The following FNIP2 variants were observed in gnomAD, a reference collection of about 807,000 sequenced individuals.
The protein encoded by FNIP2 is folliculin-interacting protein 2.
FNIP2 carries 32 observed loss-of-function variants against 108.7 expected under a neutral mutation model. The ratio of observed to expected loss-of-function variants is 0.29; its 90% CI spans 0.22 to 0.40. The LOEUF is 0.40. FNIP2 is among the 10% of genes least tolerant of loss of function. The probability of loss-of-function intolerance (pLI) is 1.00; values close to 1 mark genes in which losing one functional copy is unlikely to be tolerated. For missense variants in FNIP2, 1,202 were observed against 1,381.6 expected (o/e 0.87, Z 2.06); for synonymous variants, 480 against 496.7 (o/e 0.97, Z 0.45).
At position 158,769,278 on chromosome 4, in the gene FNIP2, G is replaced by A; in HGVS notation, c.66G>A (p.Ala22=). The A allele has an allele frequency of 6.5e-7, 1 of 1,541,798 alleles. No individual in the cohort carries two copies. The highest frequency in any genetic ancestry group is 1.2e-5 in the South Asian group (1 of 83,606). ...GCAGCAGCGGCAGCTCCGCGGCGGC[G>A]TCTGCCCAGGGCAGGGCTCCTAAGG... The part of the protein sequence containing the change: ...KRGSSGSSAA[A]SAQGRAPKEG... Residue 22 remains alanine, a synonymous_variant, in exon 1 of 17, where the codon GCG becomes GCA. Transcript: ENST00000264433.
rs1406945902 is a variant in FNIP2 at position 158,799,284 on chromosome 4, C to G, written c.108-26632C>G. ...AACAGAAGATTTAATTATGTTATAG[C>G]TGTACATCCAAATGGAAGGGAGCTG... On this transcript the variant is annotated intron_variant, in intron 1 of 16. Coordinates refer to ENST00000264433, the MANE Select transcript of FNIP2 (RefSeq NM_020840.3). Among the ~76,000 whole-genome samples the G allele has an allele frequency of 2.0e-5, 3 of 152,214 alleles. No homozygotes were observed. The East Asian group carries it at 5.8e-4, about 29-fold the overall frequency.
chr4:158,832,161 C>G, intron 5 of FNIP2, 23 bp downstream of exon 5: 1 of 1,580,678 alleles, frequency 6.3e-7, no homozygotes, highest in Non-Finnish European at 8.7e-7. Context: ...TTTTGCATTC[C>G]CCACCCCCAT....
At chr4:158,833,709 G>A (rs756192933) in intron 6 of FNIP2, 81 bp downstream of exon 6, 18 of 1,463,402 alleles carry the variant, frequency 1.2e-5, no homozygotes, top group South Asian at 4.7e-5. Context: ...TGAGTTTGTC[G>A]TGGGTTTTTT....
At chr4:158,903,005 G>A (rs749344618) in intron 16 of FNIP2, among the ~76,000 whole-genome samples, 16 of 152,120 alleles carry the variant, frequency 1.1e-4, no homozygotes, top group African/African-American at 1.7e-4. Flanking sequence ...GTTCTGTCTC[G>A]CTAGCATTCC....
intron 8 of FNIP2, among the ~76,000 whole-genome samples, chr4:158,857,800 T>C (rs573523927): frequency 7.1e-6 from 1 of 140,838 alleles, no homozygotes; most frequent in South Asian, 2.3e-4. Context: ...AAAAAAAATG[T>C]ATCCGGGCAT....
intron 1 of FNIP2, among the ~76,000 whole-genome samples, chr4:158,795,218 A>G (rs1776548017): frequency 1.3e-5 from 2 of 152,332 alleles, no homozygotes; most frequent in South Asian, 4.1e-4. Flanking sequence ...GTTGTCCCTG[A>G]GAGAGTGACT....
intron 7 of FNIP2, among the ~76,000 whole-genome samples, chr4:158,848,299 G>A (rs1295462370): frequency 6.6e-6 from 1 of 152,210 alleles, no homozygotes; most frequent in Non-Finnish European, 1.5e-5. Flanking sequence ...GAGAGAAAGA[G>A]ACTCCATTTG....
chr4:158,858,689 T>A (rs965445535), intron 8 of FNIP2, among the ~76,000 whole-genome samples: 1 of 152,230 alleles, frequency 6.6e-6, no homozygotes, highest in Admixed American at 6.5e-5. Context: ...CGTAGTATCA[T>A]TCCTCTTTTG....
rs190124940 is a variant in FNIP2 at position 158,781,162 on chromosome 4, A to T, written c.107+11843A>T. ...TAATAATACAAAACAGTAGTTCAGG[A>T]CCAAGTCTCTAAAGTCCTATTAAGA... On this transcript the variant is annotated intron_variant, in intron 1 of 16. Transcript: ENST00000264433. Among the ~76,000 whole-genome samples the T allele has an allele frequency of 9.8e-5, 15 of 152,332 alleles. No homozygotes were observed. In the East Asian group the frequency reaches 1.2e-3, roughly 12 times the overall value.
chr4:158,780,515 A>G (rs1372261697), intron 1 of FNIP2, among the ~76,000 whole-genome samples: 2 of 152,206 alleles, frequency 1.3e-5, no homozygotes, highest in African/African-American at 4.8e-5. Flanking sequence ...TCCTTTGATG[A>G]TAGATATTTT....
chr4:158,778,341 G>T (rs1171895882), intron 1 of FNIP2, among the ~76,000 whole-genome samples: 1 of 152,182 alleles, frequency 6.6e-6, no homozygotes, highest in Non-Finnish European at 1.5e-5. Flanking sequence ...GCAACTCTGG[G>T]TGCACTGCCT....
chr4:158,856,366 T>C (rs1296695850), intron 8 of FNIP2, among the ~76,000 whole-genome samples: 1 of 152,228 alleles, frequency 6.6e-6, no homozygotes, highest in East Asian at 1.9e-4. Context: ...GATAGATTAT[T>C]GAGATGTACT....
intron 14 of FNIP2, among the ~76,000 whole-genome samples, chr4:158,875,100 AAGAAAAGAAAG>A (rs1239165147): frequency 2.0e-5 from 3 of 151,944 alleles, no homozygotes; most frequent in East Asian, 1.9e-4. Context: ...AAAAAAAAAA[AAGAAAAGAAAG>A]AGAAAAGAAA....
intron 1 of FNIP2, among the ~76,000 whole-genome samples, chr4:158,778,097 C>G (rs966436517): frequency 1.7e-4 from 26 of 152,230 alleles, no homozygotes; most frequent in African/African-American, 5.8e-4. Context: ...CAGTAGTTCT[C>G]AAGTCTGGTC....
chr4:158,849,554 G>T (rs1460035325), intron 7 of FNIP2, among the ~76,000 whole-genome samples: 2 of 152,100 alleles, frequency 1.3e-5, no homozygotes, highest in Non-Finnish European at 1.5e-5. Flanking sequence ...TGTGGGAGGG[G>T]GCTTCTGGAT....
intron 10 of FNIP2, among the ~76,000 whole-genome samples, chr4:158,860,934 A>G (rs923936561): frequency 2.0e-5 from 3 of 152,148 alleles, no homozygotes; most frequent in Non-Finnish European, 4.4e-5. Context: ...GATTACAGGT[A>G]TGAGCCACCA....
chr4:158,817,639 C>A (rs762235849), intron 1 of FNIP2, among the ~76,000 whole-genome samples: 3 of 152,178 alleles, frequency 2.0e-5, no homozygotes, highest in Non-Finnish European at 4.4e-5. Context: ...CTCCGCCTCC[C>A]GGGTTTAAGC....
intron 7 of FNIP2, among the ~76,000 whole-genome samples, chr4:158,842,483 T>C (rs138405347): frequency 2.3e-3 from 353 of 152,304 alleles, no homozygotes; most frequent in African/African-American, 7.7e-3. Context: ...TTTTATGCCC[T>C]CCGTAAGTCT....
intron 7 of FNIP2, among the ~76,000 whole-genome samples, chr4:158,841,761 G>T (rs189003624): frequency 6.6e-6 from 1 of 152,162 alleles, no homozygotes; most frequent in African/African-American, 2.4e-5. Flanking sequence ...TGCCCTACCC[G>T]CCTCAGACTA....
Sources: gnomAD v4.1 joint callset for allele counts (sites outside exome capture counted in the v4.1 genomes callset) on GRCh38, gnomAD v4.1.1 for gene constraint, MANE v1.5 for transcripts, NCBI Gene and HGNC (gene_info 2026-07-23, HGNC 2026-07-21) for gene names.